The following ALK variants were observed in gnomAD, a reference collection of about 807,000 sequenced individuals.
ALK encodes ALK tyrosine kinase receptor.
A neutral mutation model predicts 163.1 loss-of-function variants in ALK; 74 were observed. That is an observed-to-expected ratio of 0.45 (90% CI 0.38 to 0.55). The LOEUF (loss-of-function observed/expected upper bound fraction) is 0.55, where lower values mean the gene tolerates loss of function less well. ALK is among the 20% of genes least tolerant of loss of function. The pLI, the probability that ALK is intolerant of heterozygous loss-of-function variation, is 0.00. For synonymous variants in ALK, 960 were observed against 843.2 expected (o/e 1.14, Z -2.40); for missense variants, 2,063 against 2,105.3 (o/e 0.98, Z 0.39).
intron 1 of ALK, among the ~76,000 whole-genome samples, chr2:29,731,007 C>G (rs950166649): frequency 6.6e-6 from 1 of 152,188 alleles, no homozygotes; most frequent in Non-Finnish European, 1.5e-5. Flanking sequence ...CAGTGCTTGT[C>G]GCCAACACTG....
rs79589352 is a variant in ALK, at chr2:29,612,399, A to T, written c.953-80283T>A. Among the ~76,000 whole-genome samples the T allele has an allele frequency of 4.6e-3, 704 of 152,256 alleles. 3 individuals carry two copies. Among genetic ancestry groups the T allele is most frequent in the African/African-American group, 0.016 (676 of 41,540 alleles). On this transcript the variant is annotated intron_variant, in intron 3 of 28. Transcript: ENST00000389048. ...CATTTTACTCTGCTTCCTTGGTTTC[A>T]ATCATCCCTGGAGTTATTTCTACGT...
chr2:29,815,622 C>T (rs1357051749), intron 1 of ALK, among the ~76,000 whole-genome samples: 1 of 152,102 alleles, frequency 6.6e-6, no homozygotes, highest in Non-Finnish European at 1.5e-5. Flanking sequence ...TGCCTGGAAT[C>T]AACTGTTTTA....
chr2:29,206,776 GGTGTGT>G (rs3028218), intron 26 of ALK, among the ~76,000 whole-genome samples: 19,058 of 150,254 alleles, frequency 0.13, 3,190 homozygotes, highest in African/African-American at 0.39. Flanking sequence ...TCCCTTTATT[GGTGTGT>G]GTGTGTGTGT....
intron 3 of ALK, among the ~76,000 whole-genome samples, chr2:29,691,845 T>G (rs1678407383): frequency 6.6e-6 from 1 of 152,166 alleles, no homozygotes; most frequent in African/African-American, 2.4e-5. Flanking sequence ...ACTTTCAAAG[T>G]TATCATGTGT....
intron 3 of ALK, among the ~76,000 whole-genome samples, chr2:29,608,429 T>C (rs570942066): frequency 6.6e-6 from 1 of 152,352 alleles, no homozygotes; most frequent in South Asian, 2.1e-4. Flanking sequence ...CATAGGGTTC[T>C]AGAGTTCATC....
intron 4 of ALK, among the ~76,000 whole-genome samples, chr2:29,506,063 G>T (rs1672311507): frequency 1.3e-5 from 2 of 152,136 alleles, no homozygotes; most frequent in African/African-American, 2.4e-5. Flanking sequence ...TAGGGCCAGT[G>T]ATCCCCTAGG....
intron 1 of ALK, among the ~76,000 whole-genome samples, chr2:29,868,656 T>C (rs1666503306): frequency 6.6e-6 from 1 of 152,128 alleles, no homozygotes; most frequent in Non-Finnish European, 1.5e-5. Flanking sequence ...TATGCTCTAA[T>C]CCAGCTTGCC....
In ALK at chr2:29,726,146, C is replaced by G. The variant is rs151154427; in HGVS notation, c.668-8449G>C. On this transcript the variant is annotated intron_variant, in intron 1 of 28. Coordinates refer to ENST00000389048, the MANE Select transcript of ALK (RefSeq NM_004304.5). ...ATATCACTCTCCAGGTGGCCTGATT[C>G]TTAACACACCCGCACTCCCTACCCC... 5.2e-3 allele frequency among the ~76,000 whole-genome samples: 793 copies of G among 152,272 alleles called. 13 individuals are homozygous for G. The highest frequency in any genetic ancestry group is 0.017 in the African/African-American group (724 of 41,562).
At chr2:29,473,706 T>C (rs1033943608) in intron 4 of ALK, among the ~76,000 whole-genome samples, 1 of 119,120 alleles carries the variant, frequency 8.4e-6, no homozygotes, top group Non-Finnish European at 2.0e-5. Context: ...CCATCTCTAC[T>C]GAAAAAAAAA....
At chr2:29,577,609 A>G (rs1278316889) in intron 3 of ALK, among the ~76,000 whole-genome samples, 5 of 151,778 alleles carry the variant, frequency 3.3e-5, no homozygotes, top group Admixed American at 2.6e-4. Flanking sequence ...GGGATGCTAC[A>G]GTTCTAGGCA....
chr2:29,463,711 T>A (rs574047142), intron 4 of ALK, among the ~76,000 whole-genome samples: 16 of 152,186 alleles, frequency 1.1e-4, no homozygotes, highest in Non-Finnish European at 1.5e-4. Context: ...GGATGGGAGA[T>A]GTAGGGGAGA....
rs114752885 is a variant in ALK at position 29,724,690 on chromosome 2, C to G, written c.668-6993G>C. ...AGGCCTGGAAAATGAGCGGTTTGAA[C>G]TCACTGCTCGCTAAGGTCCTCTCTG... On this transcript the variant is annotated intron_variant, in intron 1 of 28. Transcript: ENST00000389048. Among the ~76,000 whole-genome samples, 1,154 of 152,294 alleles carry G rather than the reference C, an allele frequency of 7.6e-3. 10 individuals carry two copies. Among genetic ancestry groups the G allele is most frequent in the Middle Eastern group, 0.041 (12 of 294 alleles).
At chr2:29,905,178 G>A (rs1023533732) in intron 1 of ALK, among the ~76,000 whole-genome samples, 1 of 152,132 alleles carries the variant, frequency 6.6e-6, no homozygotes, top group Non-Finnish European at 1.5e-5. Flanking sequence ...TACTTATCAA[G>A]GGTCATTTAC....
chr2:29,423,176 TA>T (rs1381190385), intron 4 of ALK, among the ~76,000 whole-genome samples: 1 of 152,222 alleles, frequency 6.6e-6, no homozygotes, highest in Non-Finnish European at 1.5e-5. Flanking sequence ...AGTTCTTTCA[TA>T]TCTTCCATAT....
chr2:29,811,450 G>A (rs1664758117), intron 1 of ALK, among the ~76,000 whole-genome samples: 1 of 152,100 alleles, frequency 6.6e-6, no homozygotes, highest in Admixed American at 6.6e-5. Context: ...AAGAGAAGAG[G>A]ATTAGATCAA....
At chr2:29,831,996 T>G (rs1572418661) in intron 1 of ALK, among the ~76,000 whole-genome samples, 1 of 152,224 alleles carries the variant, frequency 6.6e-6, no homozygotes, top group Admixed American at 6.5e-5. Context: ...CTCAGTATAC[T>G]GAATACGATT....
rs200919819 is a variant in ALK at position 29,320,738 on chromosome 2, A to C, written c.1546+13T>G. 6.2e-7 allele frequency: 1 copy of C among 1,613,278 alleles called. No homozygotes were observed. The highest frequency in any genetic ancestry group is 2.2e-5 in the East Asian group (1 of 44,876). ...AGATGGGCACCAGAGAGAAGGCAGG[A>C]GAGCAGTAGTACCTTGGTGGTCCTG... On this transcript the variant is annotated intron_variant, in intron 7 of 28. Transcript: ENST00000389048.
intron 3 of ALK, among the ~76,000 whole-genome samples, chr2:29,537,931 C>G (rs1226324009): frequency 6.6e-6 from 1 of 152,208 alleles, no homozygotes; most frequent in Non-Finnish European, 1.5e-5. Context: ...CTGTGTTCCA[C>G]ACTTGTGTGA....
At chr2:29,647,760 C>T (rs1007811753) in intron 3 of ALK, among the ~76,000 whole-genome samples, 10 of 143,850 alleles carry the variant, frequency 7.0e-5, no homozygotes, top group South Asian at 4.5e-4. Context: ...CCATGCACCA[C>T]GTTCATGATT....
Sources: gnomAD v4.1 joint callset for allele counts (sites outside exome capture counted in the v4.1 genomes callset) on GRCh38, gnomAD v4.1.1 for gene constraint, MANE v1.5 for transcripts, NCBI Gene and HGNC (gene_info 2026-07-23, HGNC 2026-07-21) for gene names.